The following ADAMTSL1 variants were observed in gnomAD, a reference collection of about 807,000 sequenced individuals.
ADAMTSL1 encodes the protein ADAMTS-like protein 1.
ADAMTSL1 carries 126 observed loss-of-function variants against 201.8 expected under a neutral mutation model. The ratio of observed to expected loss-of-function variants is 0.62; its 90% CI spans 0.54 to 0.72. ADAMTSL1 has a LOEUF of 0.72. Ranked by LOEUF, ADAMTSL1 falls within the 30% of genes least tolerant of loss-of-function variation. The probability of loss-of-function intolerance (pLI) is 0.00; values close to 1 mark genes in which losing one functional copy is unlikely to be tolerated. For missense variants in ADAMTSL1, 2,679 were observed against 2,277.8 expected (o/e 1.18, Z -3.59); for synonymous variants, 1,121 against 903.4 (o/e 1.24, Z -4.32).
intron 2 of ADAMTSL1, among the ~76,000 whole-genome samples, chr9:18,416,551 C>G (rs77941816): frequency 2.6e-5 from 4 of 151,994 alleles, no homozygotes; most frequent in Admixed American, 2.6e-4. Flanking sequence ...AAAAGACACA[C>G]ATAGGTTTAA....
At chr9:18,717,900 T>C in intron 14 of ADAMTSL1, 1 of 1,019,516 alleles carries the variant, frequency 9.8e-7, no homozygotes, top group Non-Finnish European at 1.6e-6. Flanking sequence ...TTTAACAAAG[T>C]TGGAGTGTTG....
At chr9:17,951,633 T>C (rs553365349) in intron 1 of ADAMTSL1, among the ~76,000 whole-genome samples, 185 of 152,162 alleles carry the variant, frequency 1.2e-3, no homozygotes, top group African/African-American at 4.2e-3. Context: ...TACTCTTTTT[T>C]TTTTTTCTAT....
At chr9:18,061,730 A>C (rs1292608025) in intron 1 of ADAMTSL1, among the ~76,000 whole-genome samples, 3 of 152,234 alleles carry the variant, frequency 2.0e-5, no homozygotes, top group Non-Finnish European at 2.9e-5. Flanking sequence ...TTTGAAAACA[A>C]GTTCCACTTC....
intron 1 of ADAMTSL1, among the ~76,000 whole-genome samples, chr9:18,156,044 A>G (rs571730762): frequency 6.6e-6 from 1 of 152,144 alleles, no homozygotes; most frequent in East Asian, 1.9e-4. Context: ...ACTGCAGCCT[A>G]GTGCTAGGAA....
chr9:18,310,704 A>G (rs1834116463), intron 2 of ADAMTSL1, among the ~76,000 whole-genome samples: 3 of 152,210 alleles, frequency 2.0e-5, no homozygotes, highest in Non-Finnish European at 2.9e-5. Flanking sequence ...GTCAGGAAAC[A>G]ACAGATGCTA....
At chr9:18,263,477 C>G (rs1832001191) in intron 2 of ADAMTSL1, among the ~76,000 whole-genome samples, 1 of 152,198 alleles carries the variant, frequency 6.6e-6, no homozygotes, top group African/African-American at 2.4e-5. Flanking sequence ...CAGCACTTCT[C>G]CCTCTACAGT....
At chr9:18,468,469 T>A (rs773845064) in intron 2 of ADAMTSL1, among the ~76,000 whole-genome samples, 11 of 152,064 alleles carry the variant, frequency 7.2e-5, no homozygotes, top group Non-Finnish European at 1.5e-4. Flanking sequence ...CCACCTAGAA[T>A]GGTACTGATT....
chr9:17,912,768 A>G (rs1481878730), intron 1 of ADAMTSL1, among the ~76,000 whole-genome samples: 1 of 71,238 alleles, frequency 1.4e-5, no homozygotes, highest in Non-Finnish European at 4.2e-5. Flanking sequence ...GCCCATGCCT[A>G]TGTCCTGAAT....
At chr9:18,317,026 C>T (rs1834426856) in intron 2 of ADAMTSL1, among the ~76,000 whole-genome samples, 1 of 152,134 alleles carries the variant, frequency 6.6e-6, no homozygotes, top group Non-Finnish European at 1.5e-5. Context: ...AATATATTTA[C>T]AAATGAATAT....
At chr9:18,853,987 T>C (rs969209379) in intron 23 of ADAMTSL1, among the ~76,000 whole-genome samples, 1 of 151,970 alleles carries the variant, frequency 6.6e-6, no homozygotes, top group Non-Finnish European at 1.5e-5. Flanking sequence ...CAAGATATTG[T>C]CTACCACTGT....
chr9:18,844,486 G>T (rs7861570), intron 23 of ADAMTSL1, among the ~76,000 whole-genome samples: 27,468 of 152,172 alleles, frequency 0.18, 2,492 homozygotes, highest in Middle Eastern at 0.29. Flanking sequence ...GGGGTCAGGG[G>T]TCAGGGACCC....
At chr9:18,527,076 A>G (rs1172412998) in intron 2 of ADAMTSL1, among the ~76,000 whole-genome samples, 2 of 152,156 alleles carry the variant, frequency 1.3e-5, no homozygotes, top group Non-Finnish European at 2.9e-5. Flanking sequence ...GAGCTATGAT[A>G]GTGCCACTGC....
At chr9:18,835,782 C>A (rs1007657901) in intron 23 of ADAMTSL1, among the ~76,000 whole-genome samples, 4 of 152,016 alleles carry the variant, frequency 2.6e-5, no homozygotes, top group Admixed American at 6.6e-5. Flanking sequence ...CCTGCATTAT[C>A]CTGCTTAGGA....
chr9:17,970,223 A>G (rs879930444), intron 1 of ADAMTSL1, among the ~76,000 whole-genome samples: 4 of 151,928 alleles, frequency 2.6e-5, no homozygotes, highest in Non-Finnish European at 5.9e-5. Flanking sequence ...ACAACAACAA[A>G]TGGGAGTATC....
intron 20 of ADAMTSL1, among the ~76,000 whole-genome samples, chr9:18,811,070 A>G (rs774350542): frequency 4.0e-5 from 6 of 151,594 alleles, no homozygotes; most frequent in Non-Finnish European, 7.4e-5. Context: ...TCTCTAACAA[A>G]AGGACTAGGA....
At chr9:18,208,679 G>C (rs10963517) in intron 2 of ADAMTSL1, among the ~76,000 whole-genome samples, 26,124 of 152,146 alleles carry the variant, frequency 0.17, 2,359 homozygotes, top group East Asian at 0.25. Context: ...CTGACTGAGA[G>C]CACATAGCCA....
intron 13 of ADAMTSL1, among the ~76,000 whole-genome samples, chr9:18,687,097 GAAT>G (rs762236308): frequency 3.3e-5 from 5 of 152,098 alleles, no homozygotes; most frequent in Non-Finnish European, 7.4e-5. Context: ...ATTGTGCTCA[GAAT>G]AATAATTACT....
chr9:18,562,561 C>T (rs1033729334), intron 3 of ADAMTSL1, among the ~76,000 whole-genome samples: 5 of 152,106 alleles, frequency 3.3e-5, no homozygotes, highest in African/African-American at 4.8e-5. Context: ...TGAATGTTGG[C>T]CTGTCTTGCT....
At chr9:18,661,855 G>T in intron 8 of ADAMTSL1, 80 bp from the exon 9 acceptor site, 1 of 1,422,400 alleles carries the variant, frequency 7.0e-7, no homozygotes, top group Non-Finnish European at 9.4e-7. Flanking sequence ...TTCCATTGAT[G>T]TGAGCTGGCC....
Sources: allele counts gnomAD v4.1 joint callset (sites outside exome capture counted in the v4.1 genomes callset), GRCh38; gene constraint gnomAD v4.1.1; transcripts MANE v1.5; gene names NCBI Gene and HGNC (gene_info 2026-07-23, HGNC 2026-07-21).